The following CNTNAP2 variants were observed in gnomAD, a reference collection of about 807,000 sequenced individuals.
The protein encoded by CNTNAP2 is contactin associated protein 2.
A neutral mutation model predicts 155.2 loss-of-function variants in CNTNAP2; 98 were observed. The observed-to-expected ratio is 0.63, with a 90% CI of 0.54 to 0.75. The LOEUF is 0.75. CNTNAP2 is among the 30% of genes least tolerant of loss of function. The pLI is 0.00. For synonymous variants in CNTNAP2, 651 were observed against 631.2 expected (o/e 1.03, Z -0.47); for missense variants, 1,727 against 1,688.1 (o/e 1.02, Z -0.40).
At chr7:147,414,933 C>T (rs776034605) in intron 10 of CNTNAP2, among the ~76,000 whole-genome samples, 34 of 107,120 alleles carry the variant, frequency 3.2e-4, no homozygotes, top group Admixed American at 1.0e-3. Flanking sequence ...AAGAGAGAGA[C>T]TCCTTCTCAA....
In CNTNAP2 at chr7:146,669,285, G is replaced by A. The variant is rs188217986; in HGVS notation, c.98-104986G>A. On this transcript the variant is annotated intron_variant, in intron 1 of 23. Transcript: ENST00000361727. ...GTAAGCCCACCTTCTCCATTAGTAT[G>A]TTCTATTTACTTTGACATGGAGATT... 4.7e-4 allele frequency among the ~76,000 whole-genome samples: 72 copies of A among 152,170 alleles called. 2 individuals carry two copies. The East Asian group carries it at 7.4e-3, about 16-fold the overall frequency.
At position 147,149,411 on chromosome 7, in the gene CNTNAP2, G is replaced by A. The variant is rs1374608217; in HGVS notation, c.1348+16902G>A. ...AGAAAAGTTCCCCAAGTCCCCACTC[G>A]ACCCAGGAAGTCCAGCTGGCTTCAC... On this transcript the variant is annotated intron_variant, in intron 8 of 23. Transcript: ENST00000361727. Among the ~76,000 whole-genome samples the A allele has an allele frequency of 2.6e-5, 4 of 152,080 alleles. No homozygotes were observed. The South Asian group carries it at 6.2e-4, about 24-fold the overall frequency.
intron 20 of CNTNAP2, among the ~76,000 whole-genome samples, chr7:148,253,055 T>TGATAGATAGATAGATA (rs56702767): frequency 0.028 from 3,820 of 138,742 alleles, 97 homozygotes; most frequent in East Asian, 0.13. Context: ...GATAGACAGA[T>TGATAGATAGATAGATA]GATAGATAGA....
At chr7:146,723,191 T>C (rs1452524198) in intron 1 of CNTNAP2, among the ~76,000 whole-genome samples, 2 of 151,896 alleles carry the variant, frequency 1.3e-5, no homozygotes, top group Non-Finnish European at 2.9e-5. Flanking sequence ...CATCTGGCAA[T>C]GGAGATACAG....
chr7:146,815,416 T>C lies in CNTNAP2; in HGVS notation c.209-24295T>C, dbSNP rs1455121026. Among the ~76,000 whole-genome samples, 6 of 152,266 alleles carry C rather than the reference T, an allele frequency of 3.9e-5. No individual in the cohort carries two copies. The East Asian group carries it at 7.7e-4, about 20-fold the overall frequency. On this transcript the variant is annotated intron_variant, in intron 2 of 23. Transcript: ENST00000361727. ...GATTATATTTTATTTCTTTGTAAAA[T>C]ATAGTAATTTGACTTAATGATCTCT...
intron 6 of CNTNAP2, 135 bp from the exon 7 acceptor site, chr7:147,128,558 T>C: frequency 1.1e-6 from 1 of 904,622 alleles, no homozygotes; most frequent in East Asian, 2.6e-5. Context: ...ATGCCATAGA[T>C]TTTGGAGGCA....
At chr7:147,840,819 C>A (rs1261763401) in intron 13 of CNTNAP2, among the ~76,000 whole-genome samples, 2 of 152,000 alleles carry the variant, frequency 1.3e-5, no homozygotes, top group East Asian at 3.9e-4. Context: ...GATCTAGATT[C>A]TTGGTTTGGA....
rs577773318 is a variant in CNTNAP2 at position 148,199,464 on chromosome 7, C to T, written c.3011-17824C>T. 2.0e-5 allele frequency among the ~76,000 whole-genome samples: 3 copies of T among 152,306 alleles called. No homozygotes were observed. In the South Asian group the frequency reaches 6.2e-4, roughly 32 times the overall value. ...CTCAAATTTAGTGGTTTGAGATAGA[C>T]TGTAGACATCCTGTTGTTAAAATGA... On this transcript the variant is annotated intron_variant, in intron 18 of 23. Coordinates refer to ENST00000361727, the MANE Select transcript of CNTNAP2 (RefSeq NM_014141.6).
chr7:148,306,284 AT>A (rs1797490959), intron 21 of CNTNAP2, among the ~76,000 whole-genome samples: 1 of 152,038 alleles, frequency 6.6e-6, no homozygotes, highest in African/African-American at 2.4e-5. Context: ...CATGAATATT[AT>A]TTGATGTGGG....
At chr7:148,371,645 CT>C (rs1342519641) in intron 21 of CNTNAP2, among the ~76,000 whole-genome samples, 2 of 152,164 alleles carry the variant, frequency 1.3e-5, no homozygotes, top group African/African-American at 4.8e-5. Flanking sequence ...CTTTAAAATA[CT>C]CTCATGCATC....
intron 13 of CNTNAP2, among the ~76,000 whole-genome samples, chr7:147,764,154 T>C (rs1209045748): frequency 6.6e-6 from 1 of 152,140 alleles, no homozygotes; most frequent in Non-Finnish European, 1.5e-5. Context: ...CTTAGGTACT[T>C]GGTGTCTTGC....
chr7:147,025,814 T>C (rs1798907776), intron 3 of CNTNAP2, among the ~76,000 whole-genome samples: 3 of 151,888 alleles, frequency 2.0e-5, no homozygotes, highest in African/African-American at 7.3e-5. Context: ...GATAGCTAAA[T>C]GCATGTGCTT....
intron 10 of CNTNAP2, among the ~76,000 whole-genome samples, chr7:147,445,450 A>G (rs1797717752): frequency 2.0e-5 from 3 of 152,146 alleles, no homozygotes; most frequent in South Asian, 4.1e-4. Flanking sequence ...TTATTTTCAC[A>G]TGGTATTTTA....
Position 146,352,199 on chromosome 7 carries a change from C to G in CNTNAP2, c.97+235226C>G, listed in dbSNP as rs917052737. On this transcript the variant is annotated intron_variant, in intron 1 of 23. Coordinates refer to ENST00000361727, the MANE Select transcript of CNTNAP2 (RefSeq NM_014141.6). ...TTGTACACTATTCATCTTGTAACAG[C>G]GTCACAGTTTTTCAAGTGAAACATT... 2.6e-5 allele frequency among the ~76,000 whole-genome samples: 4 copies of G among 151,966 alleles called. No homozygotes were observed. In the South Asian group the frequency reaches 8.3e-4, roughly 32 times the overall value.
At chr7:147,991,975 A>C (rs951467433) in intron 15 of CNTNAP2, among the ~76,000 whole-genome samples, 3 of 152,074 alleles carry the variant, frequency 2.0e-5, no homozygotes, top group African/African-American at 7.2e-5. Flanking sequence ...AACTTTAAAC[A>C]TAAGCTTCTT....
intron 16 of CNTNAP2, among the ~76,000 whole-genome samples, chr7:148,130,984 A>G (rs150696155): frequency 4.6e-4 from 69 of 151,140 alleles, no homozygotes; most frequent in Middle Eastern, 3.4e-3. Flanking sequence ...GTAGTTTATC[A>G]TTACTCCAAA....
At chr7:146,998,996 A>G (rs1209668875) in intron 3 of CNTNAP2, among the ~76,000 whole-genome samples, 1 of 151,716 alleles carries the variant, frequency 6.6e-6, no homozygotes, top group South Asian at 2.1e-4. Flanking sequence ...TTTATTATTT[A>G]TATGTAGGAA....
intron 9 of CNTNAP2, 33 bp downstream of exon 9, chr7:147,300,323 C>T (rs1440077250): frequency 6.2e-7 from 1 of 1,612,278 alleles, no homozygotes; most frequent in Non-Finnish European, 8.5e-7. Context: ...GTTACTAATC[C>T]ATTGCAAAAA....
At chr7:146,320,740 T>C (rs1461431608) in intron 1 of CNTNAP2, among the ~76,000 whole-genome samples, 1 of 152,168 alleles carries the variant, frequency 6.6e-6, no homozygotes, top group Non-Finnish European at 1.5e-5. Flanking sequence ...TTTCCACTGA[T>C]ACAATTCAAT....
Sources: allele counts gnomAD v4.1 joint callset (sites outside exome capture counted in the v4.1 genomes callset), GRCh38; gene constraint gnomAD v4.1.1; transcripts MANE v1.5; gene names NCBI Gene and HGNC (gene_info 2026-07-23, HGNC 2026-07-21).